SLC22A23: variants seen among roughly 807,000 people sequenced by gnomAD.
SLC22A23 encodes the protein solute carrier family 22 member 23, also known as ion transporter protein.
SLC22A23 carries 26 observed loss-of-function variants against 61.0 expected under a neutral mutation model. That is an observed-to-expected ratio of 0.43 (90% CI 0.31 to 0.59). The LOEUF (loss-of-function observed/expected upper bound fraction) is 0.59. Ranked by LOEUF, SLC22A23 falls within the 20% of genes least tolerant of loss-of-function variation. SLC22A23 has a pLI of 0.11. For missense variants in SLC22A23, 796 were observed against 934.7 expected (o/e 0.85, Z 1.94); for synonymous variants, 430 against 413.9 (o/e 1.04, Z -0.47).
intron 1 of SLC22A23, among the ~76,000 whole-genome samples, chr6:3,452,658 G>T (rs2127560395): frequency 7.3e-6 from 1 of 137,520 alleles, no homozygotes; most frequent in African/African-American, 2.7e-5. Context: ...CTGACCTTGG[G>T]TTATTATTCT....
At position 3,386,525 on chromosome 6, in the gene SLC22A23, G is replaced by C. The variant is rs1311401604; in HGVS notation, c.913+23663C>G. Among the ~76,000 whole-genome samples the C allele has an allele frequency of 1.3e-5, 2 of 152,248 alleles. No individual in the cohort carries two copies. Among genetic ancestry groups the C allele is most frequent in the Non-Finnish European group, 2.9e-5 (2 of 68,042 alleles). ...GCCAACAGGAGGCTCCGGGTTCTGA[G>C]GCAGCCTTGTTCTTCCAGACACAGA... On this transcript the variant is annotated intron_variant, in intron 3 of 9. Coordinates refer to ENST00000406686, the MANE Select transcript of SLC22A23 (RefSeq NM_015482.2). The surrounding 1 kb of genome is among the most constrained non-coding windows in gnomAD (Gnocchi z 4.4).
intron 1 of SLC22A23, among the ~76,000 whole-genome samples, chr6:3,433,495 C>T (rs1771004138): frequency 6.6e-6 from 1 of 152,178 alleles, no homozygotes; most frequent in African/African-American, 2.4e-5. Flanking sequence ...ACTTGCCTAG[C>T]TTATAAATAA....
intron 3 of SLC22A23, among the ~76,000 whole-genome samples, chr6:3,364,436 A>G (rs1167297334): frequency 6.6e-6 from 1 of 152,118 alleles, no homozygotes; most frequent in Non-Finnish European, 1.5e-5. Flanking sequence ...AAGATTTTTT[A>G]TATTTGTTCC....
chr6:3,330,843 A>C lies in SLC22A23; in HGVS notation c.914-6841T>G, dbSNP rs977697894. Among the ~76,000 whole-genome samples the C allele has an allele frequency of 5.3e-5, 8 of 152,226 alleles. No individual in the cohort carries two copies. The highest frequency in any genetic ancestry group is 1.9e-4 in the African/African-American group (8 of 41,462). On this transcript the variant is annotated intron_variant, in intron 3 of 9. Coordinates refer to ENST00000406686, the MANE Select transcript of SLC22A23 (RefSeq NM_015482.2). This position sits in a 1 kb window ranked among gnomAD's most constrained non-coding sequence, Gnocchi z 4.7. ...CATTTAGAGAAAGGGAAAATTTTAAAAAACAGAGAAATTTTAAGTATTTCT... is the reference window on the plus strand; with the variant it reads ...CATTTAGAGAAAGGGAAAATTTTAACAAACAGAGAAATTTTAAGTATTTCT...
intron 3 of SLC22A23, among the ~76,000 whole-genome samples, chr6:3,405,104 C>G (rs1183110739): frequency 1.3e-5 from 2 of 151,704 alleles, no homozygotes; most frequent in African/African-American, 2.4e-5. Flanking sequence ...ACTAAAAATA[C>G]AAAAAAATTA....
intron 9 of SLC22A23, among the ~76,000 whole-genome samples, chr6:3,276,502 GTCC>G (rs1758918693): frequency 6.6e-6 from 1 of 152,210 alleles, no homozygotes; most frequent in African/African-American, 2.4e-5. Context: ...GCTGCTCAGA[GTCC>G]TCCAATGGCT....
chr6:3,451,232 C>G (rs910344929), intron 1 of SLC22A23, among the ~76,000 whole-genome samples: 1 of 152,278 alleles, frequency 6.6e-6, no homozygotes, highest in African/African-American at 2.4e-5. Flanking sequence ...GGGTCTCACT[C>G]TGTCGCCCGG....
chr6:3,313,458 T>G (rs551683249), intron 4 of SLC22A23: 3 of 152,320 alleles, frequency 2.0e-5, no homozygotes, highest in Non-Finnish European at 4.4e-5. Context: ...CTGCATGGTT[T>G]TCATGACGCA....
rs545651242 is a variant in SLC22A23, at chr6:3,322,587, C to T, written c.1082+1247G>A. On this transcript the variant is annotated intron_variant, in intron 4 of 9. Coordinates refer to ENST00000406686, the MANE Select transcript of SLC22A23 (RefSeq NM_015482.2). The surrounding 1 kb of genome is among the most constrained non-coding windows in gnomAD (Gnocchi z 4.1). ...GCTGAGTGGCCTCTCTGGCAGGTGG[C>T]CTTTTCCCATCTGCTATTGCTGGCC... Among the ~76,000 whole-genome samples the T allele has an allele frequency of 2.0e-5, 3 of 152,294 alleles. No homozygotes were observed. The South Asian group carries it at 6.2e-4, about 32-fold the overall frequency.
At chr6:3,345,238 G>C (rs1315293982) in intron 3 of SLC22A23, among the ~76,000 whole-genome samples, 1 of 152,060 alleles carries the variant, frequency 6.6e-6, no homozygotes, top group Non-Finnish European at 1.5e-5. Flanking sequence ...AAATGACTGA[G>C]AAACGAAAGA....
At chr6:3,448,282 A>T (rs1394530983) in intron 1 of SLC22A23, among the ~76,000 whole-genome samples, 1 of 152,100 alleles carries the variant, frequency 6.6e-6, no homozygotes, top group African/African-American at 2.4e-5. Context: ...GAAGAAAAAA[A>T]ACCCTGATCT....
At chr6:3,442,154 C>T (rs868630017) in intron 1 of SLC22A23, among the ~76,000 whole-genome samples, 47 of 152,262 alleles carry the variant, frequency 3.1e-4, no homozygotes, top group African/African-American at 8.9e-4. Flanking sequence ...GAAGACATCA[C>T]GCTGAGCGAC....
chr6:3,406,672 G>A (rs1202649194), intron 3 of SLC22A23, among the ~76,000 whole-genome samples: 1 of 152,096 alleles, frequency 6.6e-6, no homozygotes, highest in African/African-American at 2.4e-5. Flanking sequence ...GAAATCCATT[G>A]AGCTTGGCTT....
rs869221304 is a variant in SLC22A23, at chr6:3,361,058, ACC to A, written c.914-37058_914-37057del. 8.1e-5 allele frequency among the ~76,000 whole-genome samples: 5 copies of A among 61,476 alleles called. No individual in the cohort carries two copies. The Middle Eastern group carries it at 0.03, about 369-fold the overall frequency. 40.3% of individuals were successfully genotyped at this position (61,476 alleles called of 152,430 possible). ...GTTTGTATATTTTCTATTTCTACCC[ACC>A]CCCCCCATTTTATGCCTGACCCCAA... On this transcript the variant is annotated intron_variant, in intron 3 of 9. Transcript: ENST00000406686.
chr6:3,439,375 G>T, intron 1 of SLC22A23: 1 of 443,630 alleles, frequency 2.3e-6, no homozygotes, highest in South Asian at 1.6e-5. Context: ...GTTCCCCAGG[G>T]TGACTCTAAG....
At chr6:3,319,558 C>G (rs1762832783) in intron 4 of SLC22A23, among the ~76,000 whole-genome samples, 1 of 152,298 alleles carries the variant, frequency 6.6e-6, no homozygotes, top group South Asian at 2.1e-4. Flanking sequence ...TCTAGAATAC[C>G]TGGACCAGCA....
intron 3 of SLC22A23, among the ~76,000 whole-genome samples, chr6:3,395,816 CCAT>C (rs2127492632): frequency 6.6e-6 from 1 of 152,282 alleles, no homozygotes; most frequent in African/African-American, 2.4e-5. Context: ...CCTATTCAAC[CCAT>C]CATGAGTCAG....
rs1173923164 is a variant in SLC22A23, at chr6:3,361,059, C to A, written c.914-37057G>T. Among the ~76,000 whole-genome samples, 3 of 58,692 alleles carry A rather than the reference C, an allele frequency of 5.1e-5. No homozygotes were observed. In the South Asian group the frequency reaches 1.5e-3, roughly 30 times the overall value. 38.5% of individuals were successfully genotyped at this position (58,692 alleles called of 152,430 possible). ...TTTGTATATTTTCTATTTCTACCCA[C>A]CCCCCCCATTTTATGCCTGACCCCA... On this transcript the variant is annotated intron_variant, in intron 3 of 9. Transcript: ENST00000406686.
rs966164016 is a variant in SLC22A23, at chr6:3,427,500, G to C, written c.655-11645C>G. 6.6e-6 allele frequency among the ~76,000 whole-genome samples: 1 copy of C among 152,120 alleles called. No homozygotes were observed. The highest frequency in any genetic ancestry group is 2.4e-5 in the African/African-American group (1 of 41,422). ...CCAGATTAGAAAGTGGGCCAGACGAGGATGGAAGACGCCCTCCAGGGAGCA... is the reference window on the plus strand; with the variant it reads ...CCAGATTAGAAAGTGGGCCAGACGACGATGGAAGACGCCCTCCAGGGAGCA... On this transcript the variant is annotated intron_variant, in intron 1 of 9. Coordinates refer to ENST00000406686, the MANE Select transcript of SLC22A23 (RefSeq NM_015482.2). This position sits in a 1 kb window ranked among gnomAD's most constrained non-coding sequence, Gnocchi z 4.3.
Sources: gnomAD v4.1 joint callset for allele counts (sites outside exome capture counted in the v4.1 genomes callset) on GRCh38, gnomAD v4.1.1 for gene constraint, Gnocchi (gnomAD v3.1) non-coding constraint, MANE v1.5 for transcripts, NCBI Gene and HGNC (gene_info 2026-07-23, HGNC 2026-07-21) for gene names.